The following DPP10 variants were observed in gnomAD, a reference collection of about 807,000 sequenced individuals.
The protein encoded by DPP10 is inactive dipeptidyl peptidase 10.
Under a neutral mutation model 120.9 loss-of-function variants are expected in DPP10, and 33 were observed. The ratio of observed to expected loss-of-function variants is 0.27; its 90% CI spans 0.21 to 0.37. The LOEUF is 0.37. Among genes scored for constraint, DPP10 ranks in the 10% least tolerant of loss-of-function variants. The pLI, the probability that DPP10 is intolerant of heterozygous loss-of-function variation, is 1.00. For missense variants in DPP10, 816 were observed against 942.8 expected (o/e 0.87, Z 1.76); for synonymous variants, 337 against 326.1 (o/e 1.03, Z -0.36).
At chr2:115,384,395 G>A (rs2066692452) in intron 3 of DPP10, among the ~76,000 whole-genome samples, 1 of 128,490 alleles carries the variant, frequency 7.8e-6, no homozygotes, top group Non-Finnish European at 1.9e-5. Context: ...AGCAGAAGCA[G>A]AAGAAGGAGA....
intron 1 of DPP10, among the ~76,000 whole-genome samples, chr2:115,091,861 T>C (rs1213479683): frequency 1.3e-5 from 2 of 152,144 alleles, no homozygotes; most frequent in Admixed American, 6.5e-5. Flanking sequence ...GAGGATTACA[T>C]CTTGTTAGAA....
intron 1 of DPP10, among the ~76,000 whole-genome samples, chr2:114,810,140 C>G (rs1032669268): frequency 6.6e-6 from 1 of 152,154 alleles, no homozygotes; most frequent in African/African-American, 2.4e-5. Context: ...CTTTGTTTCT[C>G]AAGTTACCAA....
At chr2:115,676,770 C>A (rs2090297775) in intron 5 of DPP10, among the ~76,000 whole-genome samples, 1 of 152,072 alleles carries the variant, frequency 6.6e-6, no homozygotes, top group South Asian at 2.1e-4. Context: ...ACATAGAAAA[C>A]CTGTTTAATG....
At chr2:115,270,105 C>G (rs1460511708) in intron 1 of DPP10, among the ~76,000 whole-genome samples, 1 of 147,604 alleles carries the variant, frequency 6.8e-6, no homozygotes, top group Admixed American at 6.7e-5. Flanking sequence ...CACACACACA[C>G]ACACACACAG....
chr2:115,257,669 A>G (rs757723938), intron 1 of DPP10, among the ~76,000 whole-genome samples: 45 of 152,170 alleles, frequency 3.0e-4, no homozygotes, highest in Non-Finnish European at 5.4e-4. Context: ...GTCACTCAGT[A>G]TGGCATTTCA....
chr2:115,277,932 T>A (rs1245339637), intron 1 of DPP10, among the ~76,000 whole-genome samples: 1 of 152,206 alleles, frequency 6.6e-6, no homozygotes. Context: ...TGCAAGATGA[T>A]GTTGACTTTG....
chr2:115,539,510 T>C (rs1430777982), intron 5 of DPP10, among the ~76,000 whole-genome samples: 1 of 151,962 alleles, frequency 6.6e-6, no homozygotes, highest in African/African-American at 2.4e-5. Flanking sequence ...AAATCTACCA[T>C]GGGTGAGTTA....
chr2:115,574,841 C>T (rs1026118333), intron 5 of DPP10, among the ~76,000 whole-genome samples: 1 of 152,184 alleles, frequency 6.6e-6, no homozygotes, highest in Non-Finnish European at 1.5e-5. Context: ...ATCCATGATT[C>T]TCTGCAGCAG....
chr2:114,819,608 C>A (rs1011497641), intron 1 of DPP10, among the ~76,000 whole-genome samples: 5 of 152,160 alleles, frequency 3.3e-5, no homozygotes, highest in Non-Finnish European at 1.5e-5. Flanking sequence ...TTAAAGCCTG[C>A]GTAAAAAACC....
chr2:114,790,423 CATATT>C lies in DPP10; in HGVS notation c.60+347588_60+347592del, dbSNP rs1478436062. 2.0e-5 allele frequency among the ~76,000 whole-genome samples: 3 copies of C among 152,036 alleles called. No individual in the cohort carries two copies. In the East Asian group the frequency reaches 5.8e-4, roughly 29 times the overall value. On this transcript the variant is annotated intron_variant, in intron 1 of 25. Coordinates refer to ENST00000410059, the MANE Select transcript of DPP10 (RefSeq NM_020868.6). ...GATGAGGCTCTTTTTCCCTTTATAT[CATATT>C]ATGAGTATTAATTTATACTGCACAA...
At chr2:114,858,831 G>A (rs1321558366) in intron 1 of DPP10, among the ~76,000 whole-genome samples, 1 of 152,122 alleles carries the variant, frequency 6.6e-6, no homozygotes, top group Non-Finnish European at 1.5e-5. Context: ...TACAAAAGGA[G>A]AGGAATTTGG....
chr2:115,652,465 C>G (rs1231751817), intron 5 of DPP10, among the ~76,000 whole-genome samples: 1 of 149,510 alleles, frequency 6.7e-6, no homozygotes, highest in African/African-American at 2.5e-5. Flanking sequence ...TATGTATTCT[C>G]TAATACCTTT....
chr2:115,645,476 G>T (rs970536357), intron 5 of DPP10, among the ~76,000 whole-genome samples: 1 of 152,062 alleles, frequency 6.6e-6, no homozygotes, highest in Non-Finnish European at 1.5e-5. Context: ...CACCTGCCTA[G>T]AAACTATATC....
intron 17 of DPP10, 58 bp from the exon 18 acceptor site, chr2:115,791,023 A>G: frequency 7.9e-7 from 1 of 1,272,438 alleles, no homozygotes; most frequent in Non-Finnish European, 1.1e-6. Context: ...GTTGTGTCAC[A>G]CTGATTCTGT....
chr2:115,737,498 G>A, intron 8 of DPP10, among the ~76,000 whole-genome samples: 1 of 152,044 alleles, frequency 6.6e-6, no homozygotes, highest in Non-Finnish European at 1.5e-5. Context: ...ATCTTGTAAT[G>A]CCTGTCCTAT....
chr2:115,371,516 AT>A (rs1309439532), intron 3 of DPP10, among the ~76,000 whole-genome samples: 1 of 152,142 alleles, frequency 6.6e-6, no homozygotes, highest in Non-Finnish European at 1.5e-5. Flanking sequence ...TTCTTCAAAG[AT>A]TTCCAATGCT....
chr2:115,733,624 A>G (rs2092963449), intron 8 of DPP10, among the ~76,000 whole-genome samples: 2 of 151,694 alleles, frequency 1.3e-5, no homozygotes, highest in South Asian at 4.1e-4. Context: ...AGGCCTGCAG[A>G]GCTGCAAGTA....
At chr2:114,507,347 C>A (rs781527329) in intron 1 of DPP10, among the ~76,000 whole-genome samples, 2 of 152,110 alleles carry the variant, frequency 1.3e-5, no homozygotes, top group Non-Finnish European at 2.9e-5. Context: ...CTATGGCCAG[C>A]CTTCAGTTTT....
chr2:115,122,067 T>A lies in DPP10; in HGVS notation c.61-187172T>A, dbSNP rs1023345676. Among the ~76,000 whole-genome samples the A allele has an allele frequency of 6.6e-5, 10 of 152,178 alleles. 1 individual carries two copies. The highest frequency in any genetic ancestry group is 2.4e-4 in the African/African-American group (10 of 41,438). ...GGAGAGAAGAAAATGAAGACATCCT[T>A]TCTAGTTTTCCTAACATCTTTTTCC... is the stretch of plus-strand genomic sequence containing the variant. On this transcript the variant is annotated intron_variant, in intron 1 of 25. Transcript: ENST00000410059.
Sources: gnomAD v4.1 joint callset for allele counts (sites outside exome capture counted in the v4.1 genomes callset) on GRCh38, gnomAD v4.1.1 for gene constraint, MANE v1.5 for transcripts, NCBI Gene and HGNC (gene_info 2026-07-23, HGNC 2026-07-21) for gene names.